NEMP2: variants seen among roughly 807,000 people sequenced by gnomAD.
NEMP2 encodes the protein nuclear envelope integral membrane protein 2, also known as UPF0571 transmembrane protein.
In NEMP2, 53 loss-of-function variants were observed where a neutral mutation model predicts 54.2. The ratio of observed to expected loss-of-function variants is 0.98; its 90% CI spans 0.78 to 1.23. NEMP2 has a LOEUF of 1.23. Among genes scored for constraint, NEMP2 ranks in the 50% most tolerant of loss-of-function variants. NEMP2 has a pLI of 0.00. For synonymous variants in NEMP2, 197 were observed against 190.3 expected (o/e 1.04, Z -0.29); for missense variants, 455 against 511.3 (o/e 0.89, Z 1.06).
the NEMP2 span, among the ~76,000 whole-genome samples, chr2:190,586,472 A>T: frequency 6.6e-6 from 1 of 152,154 alleles, no homozygotes; most frequent in Non-Finnish European, 1.5e-5. This position sits in a 1 kb window ranked among gnomAD's most constrained non-coding sequence, Gnocchi z 4.5. Context: ...TGAGTATAGC[A>T]CTTAGTCATC....
the NEMP2 span, among the ~76,000 whole-genome samples, chr2:190,622,253 A>T: frequency 2.0e-5 from 3 of 151,986 alleles, no homozygotes; most frequent in South Asian, 2.1e-4. Context: ...ATAAAAATTT[A>T]AAAAATTAAC....
chr2:190,524,699 T>C (rs906916153), intron 2 of NEMP2, among the ~76,000 whole-genome samples: 4 of 152,220 alleles, frequency 2.6e-5, no homozygotes, highest in Admixed American at 6.5e-5. Context: ...TTTTCATCCC[T>C]ATTTTATTTA....
the NEMP2 span, chr2:190,437,479 G>A: frequency 7.7e-5 from 125 of 1,614,058 alleles, no homozygotes; most frequent in Non-Finnish European, 9.9e-5. This position sits in a 1 kb window ranked among gnomAD's most constrained non-coding sequence, Gnocchi z 5.9. Context: ...CCTCTTTGGG[G>A]TCTGTTCAGT....
the NEMP2 span, among the ~76,000 whole-genome samples, chr2:190,474,679 C>A: frequency 6.6e-6 from 1 of 152,168 alleles, no homozygotes; most frequent in Non-Finnish European, 1.5e-5. Context: ...CTATTCCAAT[C>A]AAGAGAAAAA....
chr2:190,599,556 A>G, the NEMP2 span, among the ~76,000 whole-genome samples: 1 of 152,196 alleles, frequency 6.6e-6, no homozygotes. Flanking sequence ...AATATTGCCA[A>G]TGCATTTAAA....
At chr2:190,541,396 T>C in the NEMP2 span, among the ~76,000 whole-genome samples, 1 of 152,168 alleles carries the variant, frequency 6.6e-6, no homozygotes, top group Non-Finnish European at 1.5e-5. The surrounding 1 kb of genome is among the most constrained non-coding windows in gnomAD (Gnocchi z 5.2). Context: ...ACTACTGTTA[T>C]TGCTGTATCC....
the NEMP2 span, chr2:190,497,500 C>G: frequency 2.5e-6 from 4 of 1,614,162 alleles, no homozygotes; most frequent in Non-Finnish European, 3.4e-6. This position sits in a 1 kb window ranked among gnomAD's most constrained non-coding sequence, Gnocchi z 5.2. Flanking sequence ...TAGCAACCAT[C>G]GACTTGGTAC....
chr2:190,640,310 C>T, the NEMP2 span, among the ~76,000 whole-genome samples: 8 of 152,012 alleles, frequency 5.3e-5, no homozygotes, highest in East Asian at 1.9e-4. Flanking sequence ...ACTCTTGGTT[C>T]GACTTGCCAA....
chr2:190,607,039 G>A, the NEMP2 span, among the ~76,000 whole-genome samples: 1 of 152,192 alleles, frequency 6.6e-6, no homozygotes, highest in Non-Finnish European at 1.5e-5. The surrounding 1 kb of genome is among the most constrained non-coding windows in gnomAD (Gnocchi z 5.2). Context: ...GCTGACATGT[G>A]AGGCACTTCC....
the NEMP2 span, among the ~76,000 whole-genome samples, chr2:190,560,146 G>T: frequency 6.6e-6 from 1 of 152,178 alleles, no homozygotes; most frequent in African/African-American, 2.4e-5. This position sits in a 1 kb window ranked among gnomAD's most constrained non-coding sequence, Gnocchi z 5.4. Flanking sequence ...CTGTGTTAGA[G>T]ATAAAAACTA....
At chr2:190,615,533 C>T in the NEMP2 span, among the ~76,000 whole-genome samples, 2 of 152,174 alleles carry the variant, frequency 1.3e-5, no homozygotes, top group Admixed American at 1.3e-4. This position sits in a 1 kb window ranked among gnomAD's most constrained non-coding sequence, Gnocchi z 4.7. Flanking sequence ...GGAAATCTTC[C>T]AAACCTATCC....
the NEMP2 span, among the ~76,000 whole-genome samples, chr2:190,476,573 T>C: frequency 6.6e-6 from 1 of 152,162 alleles, no homozygotes. Context: ...GGAGAGGATG[T>C]GGAGAAATAG....
At chr2:190,542,612 T>C in the NEMP2 span, among the ~76,000 whole-genome samples, 1 of 152,212 alleles carries the variant, frequency 6.6e-6, no homozygotes, top group Non-Finnish European at 1.5e-5. The surrounding 1 kb of genome is among the most constrained non-coding windows in gnomAD (Gnocchi z 4.6). Flanking sequence ...TCTTTTTAAA[T>C]AGCCTGTCTT....
chr2:190,640,473 G>C, the NEMP2 span, among the ~76,000 whole-genome samples: 1 of 152,148 alleles, frequency 6.6e-6, no homozygotes, highest in East Asian at 1.9e-4. Flanking sequence ...CTTATAGTAA[G>C]GAATGAAAAT....
the NEMP2 span, among the ~76,000 whole-genome samples, chr2:190,584,567 AATTTGTTAAT>A: frequency 6.6e-6 from 1 of 152,142 alleles, no homozygotes; most frequent in Non-Finnish European, 1.5e-5. The surrounding 1 kb of genome is among the most constrained non-coding windows in gnomAD (Gnocchi z 4.2). Context: ...ACTTTTACAC[AATTTGTTAAT>A]ATAAAGAAAA....
At chr2:190,589,808 G>A in the NEMP2 span, among the ~76,000 whole-genome samples, 1 of 152,158 alleles carries the variant, frequency 6.6e-6, no homozygotes, top group Non-Finnish European at 1.5e-5. The surrounding 1 kb of genome is among the most constrained non-coding windows in gnomAD (Gnocchi z 4.3). Context: ...TCGAGCCATT[G>A]CCAATGGCCT....
At chr2:190,427,327 G>T in the NEMP2 span, among the ~76,000 whole-genome samples, 1 of 152,208 alleles carries the variant, frequency 6.6e-6, no homozygotes, top group African/African-American at 2.4e-5. Context: ...GGGCAGAATT[G>T]TAGGCTCCCT....
At chr2:190,451,484 C>T in the NEMP2 span, among the ~76,000 whole-genome samples, 1 of 152,198 alleles carries the variant, frequency 6.6e-6, no homozygotes, top group African/African-American at 2.4e-5. This position sits in a 1 kb window ranked among gnomAD's most constrained non-coding sequence, Gnocchi z 5.0. Flanking sequence ...AGATAAAGGT[C>T]AGTCCTCGTG....
downstream of NEMP2, chr2:190,500,078 C>A (rs774286665): frequency 6.2e-7 from 1 of 1,614,206 alleles, no homozygotes; most frequent in Admixed American, 1.7e-5. The surrounding 1 kb of genome is among the most constrained non-coding windows in gnomAD (Gnocchi z 5.3). Flanking sequence ...ATGTGAGACT[C>A]ACTCTGACCC....
Sources: gnomAD v4.1 joint callset for allele counts (sites outside exome capture counted in the v4.1 genomes callset) on GRCh38, gnomAD v4.1.1 for gene constraint, Gnocchi (gnomAD v3.1) non-coding constraint, MANE v1.5 for transcripts, NCBI Gene and HGNC (gene_info 2026-07-23, HGNC 2026-07-21) for gene names.